DNAJC13: variants seen among roughly 807,000 people sequenced by gnomAD.
DNAJC13 encodes the protein dnaJ homolog subfamily C member 13.
DNAJC13 carries 75 observed loss-of-function variants against 290.5 expected under a neutral mutation model. The ratio of observed to expected loss-of-function variants is 0.26; its 90% CI spans 0.21 to 0.31. The LOEUF (loss-of-function observed/expected upper bound fraction) is 0.31. Among genes scored for constraint, DNAJC13 ranks in the 10% least tolerant of loss-of-function variants. The pLI is 1.00. For missense variants in DNAJC13, 2,260 were observed against 2,674.5 expected, an observed-to-expected ratio of 0.85 and a Z score of 3.42; for synonymous variants, 862 against 892.0, an observed-to-expected ratio of 0.97 and a Z score of 0.60.
At chr3:132,536,918 C>T (rs746047696) in intron 55 of DNAJC13, among the ~76,000 whole-genome samples, 1 of 152,116 alleles carries the variant, frequency 6.6e-6, no homozygotes, top group African/African-American at 2.4e-5. Context: ...GTTCCAAGTA[C>T]CTGGGCACTC....
chr3:132,531,713 T>G (rs1179855198), intron 55 of DNAJC13, among the ~76,000 whole-genome samples: 2 of 150,542 alleles, frequency 1.3e-5, no homozygotes, highest in African/African-American at 4.9e-5. Context: ...AGGAGAATGG[T>G]GGGAACCCGG....
chr3:132,478,005 T>C lies in DNAJC13; in HGVS notation c.2574T>C (p.Tyr858=). 1.9e-6 allele frequency: 3 copies of C among 1,609,560 alleles called. No homozygotes were observed. Among genetic ancestry groups the C allele is most frequent in the Non-Finnish European group, 2.5e-6 (3 of 1,178,926 alleles). Residue 858 remains tyrosine, a synonymous_variant, in exon 24 of 56, where the codon TAT becomes TAC. Coordinates refer to ENST00000260818, the MANE Select transcript of DNAJC13 (RefSeq NM_015268.4). ...KRSYEFFNEL[Y]HRFLLTPKVN... The stretch of plus-strand genomic sequence containing the variant: ...GGTATGAATTTTTCAATGAGCTTTA[T>C]CATCGCTTCTTGCTCACCCCAAAAG...
At chr3:132,499,454 A>G (rs1935343631) in intron 37 of DNAJC13, 144 bp downstream of exon 37, 2 of 793,662 alleles carry the variant, frequency 2.5e-6, no homozygotes, top group South Asian at 2.3e-5. Flanking sequence ...TCTTATACCA[A>G]ATTAAAGGTA....
intron 2 of DNAJC13, among the ~76,000 whole-genome samples, chr3:132,441,479 G>T (rs1363170894): frequency 6.6e-6 from 1 of 152,194 alleles, no homozygotes; most frequent in African/African-American, 2.4e-5. Context: ...ACTTTGATTA[G>T]CTCTGTTTGG....
At position 132,514,578 on chromosome 3, in the gene DNAJC13, A is replaced by G; in HGVS notation, c.5393A>G (p.Asn1798Ser). Residue 1798 changes from asparagine (N) to serine (S), a missense_variant, in exon 46 of 56, where the codon AAT becomes AGT. Physicochemically the swap from Asn to Ser is conservative, Grantham distance 46. Coordinates refer to ENST00000260818, the MANE Select transcript of DNAJC13 (RefSeq NM_015268.4). ...QVQQLALEVV[N>S]IVTSNQDCVN... is the part of the protein sequence containing the mutation. ...CTGTTGATTAATTTTCAGGTTGTGA[A>G]TATAGTGACATCTAACCAAGACTGT... The G allele has an allele frequency of 6.2e-7, 1 of 1,601,068 alleles. No homozygotes were observed. The highest frequency in any genetic ancestry group is 8.5e-7 in the Non-Finnish European group (1 of 1,175,326).
rs1416362066 is a variant in DNAJC13, at chr3:132,514,684, T to C, written c.5485+14T>C. On this transcript the variant is annotated intron_variant, in intron 46 of 55. Coordinates refer to ENST00000260818, the MANE Select transcript of DNAJC13 (RefSeq NM_015268.4). ...CATTGCCATCAAGTATGTATACAGATGGAATTTTGGAAACCACAGCAAGAT... is the reference window on the plus strand; with the variant it reads ...CATTGCCATCAAGTATGTATACAGACGGAATTTTGGAAACCACAGCAAGAT... 2 of 1,588,360 alleles carry C rather than the reference T, an allele frequency of 1.3e-6. No homozygotes were observed. Among genetic ancestry groups the C allele is most frequent in the Admixed American group, 3.4e-5 (2 of 58,598 alleles).
chr3:132,451,317 A>G (rs1299543744), intron 6 of DNAJC13, among the ~76,000 whole-genome samples: 1 of 152,120 alleles, frequency 6.6e-6, no homozygotes, highest in Non-Finnish European at 1.5e-5. Flanking sequence ...AAAAAAAATG[A>G]AAAAAGTAAT....
At chr3:132,491,747 T>C (rs1935063433) in intron 32 of DNAJC13, among the ~76,000 whole-genome samples, 2 of 152,184 alleles carry the variant, frequency 1.3e-5, no homozygotes. Context: ...AGATCTTCTA[T>C]GTCAATTACT....
chr3:132,457,865 A>G (rs577015886), intron 13 of DNAJC13: 1 of 153,182 alleles, frequency 6.5e-6, no homozygotes, highest in East Asian at 1.9e-4. Context: ...GTTATAAGGT[A>G]TGGATGGGGG....
intron 20 of DNAJC13, chr3:132,472,614 G>A: frequency 3.0e-6 from 3 of 984,230 alleles, no homozygotes; most frequent in Non-Finnish European, 3.6e-6. Flanking sequence ...GCATTAAGCT[G>A]CCTGGCATGT....
Position 132,531,018 on chromosome 3 carries a change from T to G in DNAJC13, c.6546T>G (p.Arg2182=). Residue 2182 remains arginine (R), a synonymous_variant, in exon 55 of 56, where the codon CGT becomes CGG. Transcript: ENST00000260818. ...YGEQVNEILC[R]SSVWSAFKDQ... ...CCTAGGTGAATGAAATCCTGTGCCG[T>G]TCTTCAGTCTGGAGTGCCTTCAAAG... is the stretch of plus-strand genomic sequence containing the variant. 6.2e-7 allele frequency: 1 copy of G among 1,614,100 alleles called. No homozygotes were observed. The highest frequency in any genetic ancestry group is 8.5e-7 in the Non-Finnish European group (1 of 1,179,952).
intron 54 of DNAJC13, 49 bp from the exon 55 acceptor site, chr3:132,530,949 A>G: frequency 2.6e-6 from 4 of 1,540,580 alleles, no homozygotes; most frequent in South Asian, 1.1e-5. Flanking sequence ...TTGTCTTCCA[A>G]CATCCAGTCC....
At chr3:132,523,266 C>T in intron 50 of DNAJC13, 67 bp downstream of exon 50, 1 of 1,535,214 alleles carries the variant, frequency 6.5e-7, no homozygotes, top group Non-Finnish European at 9.0e-7. Flanking sequence ...TCTACTGAGT[C>T]AGTTTAATGC....
intron 20 of DNAJC13, among the ~76,000 whole-genome samples, chr3:132,471,432 GCTC>G (rs1399160624): frequency 7.0e-6 from 1 of 143,620 alleles, no homozygotes; most frequent in Non-Finnish European, 1.5e-5. Flanking sequence ...GGGCGGAGAG[GCTC>G]CTCACTTCTC....
chr3:132,454,308 T>C, intron 9 of DNAJC13, 151 bp downstream of exon 9: 1 of 565,976 alleles, frequency 1.8e-6, no homozygotes. Flanking sequence ...GACCCTCCCA[T>C]TTTCAATTTT....
At chr3:132,436,607 G>A (rs547620608) in intron 2 of DNAJC13, among the ~76,000 whole-genome samples, 1 of 152,292 alleles carries the variant, frequency 6.6e-6, no homozygotes, top group South Asian at 2.1e-4. Flanking sequence ...CAGCCAAACT[G>A]TTTTCCAAAG....
chr3:132,421,510 T>C (rs2107637205), intron 1 of DNAJC13, among the ~76,000 whole-genome samples: 1 of 152,204 alleles, frequency 6.6e-6, no homozygotes, highest in African/African-American at 2.4e-5. Context: ...CAGGCTGGAG[T>C]GCAGTGGCAC....
intron 41 of DNAJC13, among the ~76,000 whole-genome samples, chr3:132,504,640 G>C (rs1325784441): frequency 1.3e-5 from 2 of 152,130 alleles, no homozygotes; most frequent in Non-Finnish European, 2.9e-5. Context: ...ATAGTCCTCT[G>C]TTTTCCTATT....
intron 53 of DNAJC13, among the ~76,000 whole-genome samples, chr3:132,526,847 A>G (rs554950970): frequency 6.6e-6 from 1 of 152,346 alleles, no homozygotes; most frequent in East Asian, 1.9e-4. Flanking sequence ...CGATCTTTCT[A>G]AAATGTAACT....
Sources: gnomAD v4.1 joint callset for allele counts (sites outside exome capture counted in the v4.1 genomes callset) on GRCh38, gnomAD v4.1.1 for gene constraint, MANE v1.5 for transcripts, NCBI Gene and HGNC (gene_info 2026-07-23, HGNC 2026-07-21) for gene names.